Variants in ELOVL5 observed in about 807,000 individuals in gnomAD.
The protein encoded by ELOVL5 is ELOVL fatty acid elongase 5.
ELOVL5 carries 8 observed loss-of-function variants against 38.6 expected under a neutral mutation model. The observed-to-expected ratio is 0.21, with a 90% CI of 0.12 to 0.37. The LOEUF (loss-of-function observed/expected upper bound fraction) is 0.37, where lower values mean the gene tolerates loss of function less well. Among genes scored for constraint, ELOVL5 ranks in the 10% least tolerant of loss-of-function variants. The pLI is 1.00. For synonymous variants in ELOVL5, 127 were observed against 133.7 expected (o/e 0.95, Z 0.34); for missense variants, 280 against 367.8 (o/e 0.76, Z 1.95).
At chr6:53,300,256 A>G (rs1218999632) in intron 1 of ELOVL5, among the ~76,000 whole-genome samples, 1 of 152,144 alleles carries the variant, frequency 6.6e-6, no homozygotes, top group Non-Finnish European at 1.5e-5. Context: ...TTTACTCAAT[A>G]CAACCTCATG....
chr6:53,299,112 A>G (rs1293665992), intron 1 of ELOVL5, among the ~76,000 whole-genome samples: 1 of 152,224 alleles, frequency 6.6e-6, no homozygotes, highest in Non-Finnish European at 1.5e-5. Flanking sequence ...ATAATGGGGA[A>G]AAGGATCCAG....
rs116414502 is a variant in ELOVL5, at chr6:53,287,799, A to G, written c.246+3977T>C. 1,268 of 1,418,096 alleles carry G rather than the reference A, an allele frequency of 8.9e-4. 15 individuals are homozygous for G. In the African/African-American group the frequency reaches 0.016, roughly 18 times the overall value. The allele number at this position is 1,418,096 out of a possible 1,614,324, so 87.8% of individuals were successfully genotyped here. On this transcript the variant is annotated intron_variant, in intron 3 of 7. Transcript: ENST00000304434. ...GTGCCTCCTTCTGAGGAAAGGAGCC[A>G]GCCATCCTTTCAACACAGTGTTCCT...
chr6:53,323,270 A>ACAAT (rs1768371120), intron 1 of ELOVL5, among the ~76,000 whole-genome samples: 2 of 152,222 alleles, frequency 1.3e-5, no homozygotes, highest in South Asian at 4.1e-4. Flanking sequence ...TATGTCCAAG[A>ACAAT]CAATCTAACA....
intron 4 of ELOVL5, 107 bp downstream of exon 4, chr6:53,276,072 C>CA: frequency 1.4e-6 from 1 of 693,342 alleles, no homozygotes; most frequent in Non-Finnish European, 2.4e-6. Context: ...AAAATATCAA[C>CA]AGGGATTGCC....
At chr6:53,278,017 A>G (rs751484032) in intron 3 of ELOVL5, among the ~76,000 whole-genome samples, 3 of 152,240 alleles carry the variant, frequency 2.0e-5, no homozygotes, top group African/African-American at 4.8e-5. Flanking sequence ...TCATGAAGAT[A>G]AATTCGTGCA....
chr6:53,315,852 A>G (rs1437412724), intron 1 of ELOVL5, among the ~76,000 whole-genome samples: 1 of 152,234 alleles, frequency 6.6e-6, no homozygotes, highest in East Asian at 1.9e-4. Context: ...ATGAAGTGGC[A>G]GCAATAGGAC....
At chr6:53,306,293 G>C in intron 1 of ELOVL5, among the ~76,000 whole-genome samples, 1 of 174 alleles carries the variant, frequency 5.7e-3, no homozygotes, top group African/African-American at 0.062. Flanking sequence ...GAGGGGAGAG[G>C]GGAGAGGGGA....
intron 2 of ELOVL5, chr6:53,294,633 T>G (rs1766920958): frequency 7.8e-7 from 1 of 1,281,856 alleles, no homozygotes; most frequent in African/African-American, 1.5e-5. Flanking sequence ...GAGTTGGATT[T>G]TTTGTCCCTT....
intron 1 of ELOVL5, among the ~76,000 whole-genome samples, chr6:53,298,647 G>GT (rs1429386528): frequency 6.6e-6 from 1 of 152,152 alleles, no homozygotes; most frequent in African/African-American, 2.4e-5. Flanking sequence ...GTTTCTGAAT[G>GT]TATGTCTGCC....
intron 1 of ELOVL5, among the ~76,000 whole-genome samples, chr6:53,337,574 A>C (rs1166877202): frequency 6.6e-6 from 1 of 152,226 alleles, no homozygotes; most frequent in Non-Finnish European, 1.5e-5. Context: ...ACTCAGCTTC[A>C]CACAGCCATT....
chr6:53,310,444 G>A (rs1767783944), intron 1 of ELOVL5, among the ~76,000 whole-genome samples: 1 of 146,062 alleles, frequency 6.8e-6, no homozygotes, highest in African/African-American at 2.6e-5. Context: ...GATTTTCCGG[G>A]ATGTAAGGCT....
chr6:53,336,393 C>T (rs535783360), intron 1 of ELOVL5, among the ~76,000 whole-genome samples: 1 of 152,232 alleles, frequency 6.6e-6, no homozygotes, highest in Non-Finnish European at 1.5e-5. Flanking sequence ...GGCACAATGG[C>T]TCACACCTGT....
chr6:53,343,376 CTAAT>C (rs1461476793), intron 1 of ELOVL5, among the ~76,000 whole-genome samples: 2 of 152,118 alleles, frequency 1.3e-5, no homozygotes, highest in Non-Finnish European at 2.9e-5. Flanking sequence ...CCACATCCAG[CTAAT>C]TTTTGTATTT....
Position 53,348,946 on chromosome 6 carries a change from A to C in ELOVL5, c.-138T>G. 2.3e-6 allele frequency: 1 copy of C among 429,550 alleles called. No homozygotes were observed. The highest frequency in any genetic ancestry group is 4.7e-6 in the Non-Finnish European group (1 of 214,354). The allele number at this position is 429,550 out of a possible 1,614,324, so 26.6% of individuals were successfully genotyped here. ...CGGTGGCTAGGACCCGCGCGATGGG[A>C]AGAGGAAGGCGCCGGCTATCTACAA... On this transcript the variant is annotated 5_prime_UTR_variant, in exon 1 of 8. Coordinates refer to ENST00000304434, the MANE Select transcript of ELOVL5 (RefSeq NM_021814.5).
intron 1 of ELOVL5, among the ~76,000 whole-genome samples, chr6:53,299,619 C>T (rs1468197742): frequency 6.6e-6 from 1 of 152,130 alleles, no homozygotes; most frequent in East Asian, 1.9e-4. Flanking sequence ...CAGCAGGCTA[C>T]CAAAAGAGAC....
At chr6:53,336,724 T>A (rs759677232) in intron 1 of ELOVL5, among the ~76,000 whole-genome samples, 10 of 152,170 alleles carry the variant, frequency 6.6e-5, no homozygotes, top group Non-Finnish European at 1.3e-4. Context: ...CCCTATTCCG[T>A]CCTTGGGAAC....
intron 1 of ELOVL5, among the ~76,000 whole-genome samples, chr6:53,321,003 G>A (rs368989408): frequency 3.6e-3 from 542 of 152,262 alleles, no homozygotes; most frequent in African/African-American, 0.011. Flanking sequence ...GAAAAATAGG[G>A]AAAGAGCAAT....
intron 3 of ELOVL5, among the ~76,000 whole-genome samples, chr6:53,283,429 C>A (rs1766437408): frequency 6.6e-6 from 1 of 152,156 alleles, no homozygotes; most frequent in South Asian, 2.1e-4. Flanking sequence ...ATAATTATCC[C>A]AGAGGCATTA....
intron 1 of ELOVL5, among the ~76,000 whole-genome samples, chr6:53,340,533 T>C (rs947018785): frequency 6.6e-6 from 1 of 152,218 alleles, no homozygotes; most frequent in Non-Finnish European, 1.5e-5. Flanking sequence ...GCTCCATTCA[T>C]GGCAAGTGCC....
Sources: gnomAD v4.1 joint callset for allele counts (sites outside exome capture counted in the v4.1 genomes callset) on GRCh38, gnomAD v4.1.1 for gene constraint, MANE v1.5 for transcripts, NCBI Gene and HGNC (gene_info 2026-07-23, HGNC 2026-07-21) for gene names.